CTBP2: variants seen among roughly 807,000 people sequenced by gnomAD.
The protein encoded by CTBP2 is C-terminal binding protein 2, also known as C-terminal-binding protein 2.
CTBP2 carries 30 observed loss-of-function variants against 80.3 expected under a neutral mutation model. That is an observed-to-expected ratio of 0.37 (90% CI 0.28 to 0.51). The LOEUF (loss-of-function observed/expected upper bound fraction) is 0.51. CTBP2 is among the 20% of genes least tolerant of loss of function. The pLI, the probability that CTBP2 is intolerant of heterozygous loss-of-function variation, is 0.93. For synonymous variants in CTBP2, 594 were observed against 587.4 expected (o/e 1.01, Z -0.16); for missense variants, 1,212 against 1,375.3 (o/e 0.88, Z 1.88).
At chr10:125,126,924 T>TCTCTC (rs1855369671) in intron 1 of CTBP2, among the ~76,000 whole-genome samples, 1 of 138,562 alleles carries the variant, frequency 7.2e-6, no homozygotes, top group Non-Finnish European at 1.6e-5. Context: ...CACACACACA[T>TCTCTC]TCTCTCTCTC....
chr10:125,112,082 G>A (rs928809850), intron 1 of CTBP2, among the ~76,000 whole-genome samples: 2 of 148,640 alleles, frequency 1.3e-5, no homozygotes, highest in African/African-American at 5.0e-5. Flanking sequence ...AAAAAGGCAC[G>A]AACCACATTC....
intron 2 of CTBP2, among the ~76,000 whole-genome samples, chr10:125,063,836 G>A (rs541008213): frequency 6.6e-6 from 1 of 152,292 alleles, no homozygotes; most frequent in Admixed American, 6.5e-5. Context: ...GATTCTCAAA[G>A]CCACAGGGTG....
Position 125,038,567 on chromosome 10 carries a change from A to C in CTBP2, c.58+430T>G, listed in dbSNP as rs145995234. ...TTCCAAAGATACCAGGGACATGAACACACCACGAGGGGCAATGCTGGGCTC... is the reference window on the plus strand; with the variant it reads ...TTCCAAAGATACCAGGGACATGAACCCACCACGAGGGGCAATGCTGGGCTC... On this transcript the variant is annotated intron_variant, in intron 3 of 10. Coordinates refer to the CTBP2 transcript ENST00000337195. Among the ~76,000 whole-genome samples the C allele has an allele frequency of 5.9e-4, 90 of 152,348 alleles. 1 individual carries two copies. The highest frequency in any genetic ancestry group is 9.6e-4 in the Non-Finnish European group (65 of 68,030).
chr10:124,997,468 C>T (rs1953777369), intron 4 of CTBP2: 1 of 166,456 alleles, frequency 6.0e-6, no homozygotes, highest in Non-Finnish European at 1.3e-5. Context: ...TTTCCTGCCC[C>T]TCTCTCAGGA....
chr10:125,107,831 C>T (rs1376649894), intron 2 of CTBP2, among the ~76,000 whole-genome samples: 3 of 152,190 alleles, frequency 2.0e-5, no homozygotes, highest in Non-Finnish European at 2.9e-5. Context: ...GGAAACAGTC[C>T]TATCTTTGCA....
chr10:125,151,918 G>A (rs1859988736), intron 1 of CTBP2, among the ~76,000 whole-genome samples: 2 of 152,170 alleles, frequency 1.3e-5, no homozygotes, highest in South Asian at 4.1e-4. Flanking sequence ...GGCACGGAGC[G>A]GGGGGAGGGG....
intron 2 of CTBP2, among the ~76,000 whole-genome samples, chr10:125,058,173 A>G (rs1410280613): frequency 6.6e-6 from 1 of 152,110 alleles, no homozygotes; most frequent in East Asian, 1.9e-4. Context: ...ACTGTGCAGT[A>G]GGCAAAGTGG....
chr10:125,050,982 C>T (rs1019387340), intron 2 of CTBP2, among the ~76,000 whole-genome samples: 1 of 152,182 alleles, frequency 6.6e-6, no homozygotes, highest in African/African-American at 2.4e-5. Flanking sequence ...AATACAGTCA[C>T]CTATGTGGAG....
At chr10:125,007,048 G>A (rs1590026817) in intron 1 of CTBP2, among the ~76,000 whole-genome samples, 1 of 152,376 alleles carries the variant, frequency 6.6e-6, no homozygotes, top group East Asian at 1.9e-4. Context: ...GGAGACACTT[G>A]CGGACGAGGG....
intron 1 of CTBP2, among the ~76,000 whole-genome samples, chr10:125,019,238 C>G (rs1956816646): frequency 6.6e-6 from 1 of 152,170 alleles, no homozygotes; most frequent in Admixed American, 6.5e-5. Context: ...GAAACACACA[C>G]CTGACAACTG....
In CTBP2 at chr10:125,027,562, G is replaced by A. The variant is rs760363819; in HGVS notation, c.198C>T (p.Ala66=). 36 of 1,613,948 alleles carry A rather than the reference G, an allele frequency of 2.2e-5. No homozygotes were observed. The highest frequency in any genetic ancestry group is 2.7e-5 in the Non-Finnish European group (32 of 1,180,002). Residue 66 remains alanine, a synonymous_variant, in exon 1 of 9, where the codon GCC becomes GCT. Transcript: ENST00000309035. ...CGGCCTCCCGGTACAGGTAGGGCTCGGCGGCCACGGGCAGGGCAGCGTCCT... is the reference window on the plus strand; with the variant it reads ...CGGCCTCCCGGTACAGGTAGGGCTCAGCGGCCACGGGCAGGGCAGCGTCCT...
chr10:125,038,379 A>G (rs1243727481), intron 3 of CTBP2, among the ~76,000 whole-genome samples: 1 of 152,120 alleles, frequency 6.6e-6, no homozygotes, highest in Non-Finnish European at 1.5e-5. Flanking sequence ...CCCATCTGGC[A>G]GGTGCACTCA....
At chr10:125,114,926 G>GATTTCTAGTGAT (rs898334244) in intron 1 of CTBP2, among the ~76,000 whole-genome samples, 4 of 152,104 alleles carry the variant, frequency 2.6e-5, no homozygotes, top group African/African-American at 7.2e-5. Context: ...CTGCAGGAGG[G>GATTTCTAGTGAT]ATTTCTAGTG....
At chr10:125,031,829 G>A (rs922543069), upstream of CTBP2, among the ~76,000 whole-genome samples, 10 of 152,312 alleles carry the variant, frequency 6.6e-5, no homozygotes, top group Admixed American at 1.3e-4. Context: ...CACGCAACGC[G>A]CCAAAGGAAG....
chr10:125,151,570 G>T (rs1591115458), intron 1 of CTBP2, among the ~76,000 whole-genome samples: 1 of 152,344 alleles, frequency 6.6e-6, no homozygotes, highest in Admixed American at 6.5e-5. Context: ...CCGTTTGCTT[G>T]CAACTCAGCC....
chr10:125,152,176 G>A (rs1860089601), intron 1 of CTBP2, among the ~76,000 whole-genome samples: 1 of 152,090 alleles, frequency 6.6e-6, no homozygotes, highest in Admixed American at 6.5e-5. Flanking sequence ...GGAGGAGAGG[G>A]GCGAACCCCA....
chr10:125,024,462 C>G (rs1367586851), intron 1 of CTBP2, among the ~76,000 whole-genome samples: 2 of 152,196 alleles, frequency 1.3e-5, no homozygotes, highest in Non-Finnish European at 2.9e-5. Flanking sequence ...ATATAATACC[C>G]CTCACTCCAT....
chr10:125,138,938 T>G (rs148107438), intron 1 of CTBP2, among the ~76,000 whole-genome samples: 14 of 152,336 alleles, frequency 9.2e-5, no homozygotes, highest in African/African-American at 2.4e-4. Flanking sequence ...AAGAGCTGTG[T>G]GTTCCTGGGA....
intron 2 of CTBP2, among the ~76,000 whole-genome samples, chr10:125,098,733 A>G: frequency 7.4e-6 from 1 of 134,250 alleles, no homozygotes; most frequent in African/African-American, 2.8e-5. Context: ...ACAGAGAGAG[A>G]GAGAGAGAGA....
Sources: allele counts gnomAD v4.1 joint callset (sites outside exome capture counted in the v4.1 genomes callset), GRCh38; gene constraint gnomAD v4.1.1; transcripts MANE v1.5; gene names NCBI Gene and HGNC (gene_info 2026-07-23, HGNC 2026-07-21).